The following TENM1 variants were observed in gnomAD, a reference collection of about 807,000 sequenced individuals.
TENM1 encodes teneurin-1.
Under a neutral mutation model 174.8 loss-of-function variants are expected in TENM1, and 35 were observed. The observed-to-expected ratio is 0.20, with a 90% CI of 0.15 to 0.27. TENM1 has a LOEUF of 0.27. Among genes scored for constraint, TENM1 ranks in the 10% least tolerant of loss-of-function variants. TENM1 has a pLI of 1.00. For synonymous variants in TENM1, 781 were observed against 798.7 expected, an observed-to-expected ratio of 0.98 and a Z score of 0.37; for missense variants, 1,633 against 2,130.1, an observed-to-expected ratio of 0.77 and a Z score of 4.59.
rs74505685 is a variant in TENM1 at position 124,691,924 on chromosome X, T to A, written c.1015+13089A>T. Among the ~76,000 whole-genome samples, 240 of 111,750 alleles carry A rather than the reference T, an allele frequency of 2.1e-3. 4 individuals are homozygous for A. The East Asian group carries it at 0.045, about 21-fold the overall frequency. ...TTCTTAGATATTTTAAAATTTTATG[T>A]TTTATTTCCCCTTATACACAAGAAT... On this transcript the variant is annotated intron_variant, in intron 5 of 31. Coordinates refer to ENST00000422452, the Ensembl canonical transcript of TENM1.
In TENM1 at chrX:124,402,801, G is replaced by A. The variant is rs1040552848; in HGVS notation, c.5391+2230C>T. 2.7e-5 allele frequency among the ~76,000 whole-genome samples: 3 copies of A among 111,059 alleles called. No homozygotes were observed. The East Asian group carries it at 8.5e-4, about 31-fold the overall frequency. On this transcript the variant is annotated intron_variant, in intron 27 of 31. Transcript: ENST00000422452. ...CAATTTTTCTGTGATGAGTCCATGA[G>A]GTCGATAAGCCATATGTAGATAATT... is the stretch of plus-strand genomic sequence containing the variant.
chrX:124,380,699 C>A (rs372872379), exon 32 of TENM1: 2 of 1,210,910 alleles, frequency 1.7e-6, no homozygotes, highest in Middle Eastern at 4.6e-4. Flanking sequence ...TGCCCTAATC[C>A]CCTCTTCCCC....
At chrX:124,464,125 T>C (rs2061215223) in intron 22 of TENM1, among the ~76,000 whole-genome samples, 1 of 110,970 alleles carries the variant, frequency 9.0e-6, no homozygotes, top group Admixed American at 9.7e-5. Flanking sequence ...CTCAGATACA[T>C]TTGAAAGAAC....
At chrX:125,103,990 G>GA in the TENM1 span, among the ~76,000 whole-genome samples, 64 of 105,483 alleles carry the variant, frequency 6.1e-4, no homozygotes, top group Admixed American at 5.0e-4. Flanking sequence ...AACTCCATAA[G>GA]AAAAAAAAAA....
chrX:124,861,034 T>C (rs2056902233), intron 3 of TENM1, among the ~76,000 whole-genome samples: 1 of 111,823 alleles, frequency 8.9e-6, no homozygotes, highest in Admixed American at 9.5e-5. Context: ...GGGACAAAAC[T>C]ACACTGAGGC....
chrX:124,546,670 C>T (rs1224206710), intron 15 of TENM1, among the ~76,000 whole-genome samples: 3 of 111,818 alleles, frequency 2.7e-5, no homozygotes, highest in East Asian at 5.6e-4. Flanking sequence ...AACATACACA[C>T]ATAATTTTAT....
the TENM1 span, among the ~76,000 whole-genome samples, chrX:125,085,883 AT>A: frequency 1.8e-5 from 2 of 110,018 alleles, no homozygotes; most frequent in Admixed American, 1.9e-4. Context: ...TTCTTTTGTG[AT>A]TTTTTTTCTA....
chrX:124,848,372 G>T (rs146062840), intron 3 of TENM1, among the ~76,000 whole-genome samples: 4,746 of 110,588 alleles, frequency 0.043, 142 homozygotes, highest in African/African-American at 0.099. Flanking sequence ...ATCCCCATCT[G>T]CAACGACCTC....
intron 11 of TENM1, among the ~76,000 whole-genome samples, chrX:124,602,160 T>G (rs997834893): frequency 1.8e-5 from 2 of 111,203 alleles, no homozygotes; most frequent in Non-Finnish European, 3.8e-5. Flanking sequence ...AATGGGTTAA[T>G]TATATCGATT....
At chrX:124,414,531 T>C (rs997921044) in intron 25 of TENM1, among the ~76,000 whole-genome samples, 8 of 110,798 alleles carry the variant, frequency 7.2e-5, no homozygotes, top group Middle Eastern at 4.7e-3. Context: ...ACTTCCTTGT[T>C]AGCTGTTTCT....
chrX:125,141,664 G>A, the TENM1 span, among the ~76,000 whole-genome samples: 825 of 111,141 alleles, frequency 7.4e-3, 3 homozygotes, highest in Non-Finnish European at 0.013. Context: ...GAGGAAGGAA[G>A]AATATATCAA....
chrX:124,418,220 C>A (rs2147733442), intron 25 of TENM1, among the ~76,000 whole-genome samples: 1 of 112,248 alleles, frequency 8.9e-6, no homozygotes, highest in South Asian at 3.7e-4. Flanking sequence ...TAATTGATTT[C>A]ATGTCCTCAT....
intron 3 of TENM1, among the ~76,000 whole-genome samples, chrX:124,779,445 C>T (rs776279141): frequency 3.3e-4 from 37 of 111,769 alleles, no homozygotes; most frequent in Non-Finnish European, 5.1e-4. Flanking sequence ...AGAAATCTTG[C>T]TTTTCTTTTA....
At chrX:124,384,543 T>C (rs1397116600) in exon 30 of TENM1, 1 of 1,209,443 alleles carries the variant, frequency 8.3e-7, no homozygotes, top group Non-Finnish European at 1.1e-6. Flanking sequence ...TGAATGGTCA[T>C]CCAGTAGGCA....
In TENM1 at chrX:124,543,788, A is replaced by G. The variant is rs5958515; in HGVS notation, c.2651+3086T>C. ...GTTGAGTTTGCCCAAGATCTTCACC[A>G]TGGGCAGGGTGCACGTTCACATTGT... On this transcript the variant is annotated intron_variant, in intron 15 of 31. Coordinates refer to ENST00000422452, the Ensembl canonical transcript of TENM1. 9.1e-3 allele frequency among the ~76,000 whole-genome samples: 1,022 copies of G among 112,408 alleles called. 16 individuals carry two copies. The highest frequency in any genetic ancestry group is 0.032 in the African/African-American group (987 of 30,917).
exon 30 of TENM1, chrX:124,383,681 T>A: frequency 8.3e-7 from 1 of 1,209,902 alleles, no homozygotes; most frequent in Non-Finnish European, 1.1e-6. Context: ...TGGGTAGTTA[T>A]TTTCAAAGGA....
chrX:124,486,371 T>A (rs2046954459), intron 21 of TENM1, among the ~76,000 whole-genome samples: 1 of 112,366 alleles, frequency 8.9e-6, no homozygotes, highest in African/African-American at 3.2e-5. Context: ...TAATTAATAC[T>A]GTGCAACATT....
chrX:125,172,253 G>A, the TENM1 span, among the ~76,000 whole-genome samples: 2 of 110,786 alleles, frequency 1.8e-5, no homozygotes, highest in Non-Finnish European at 3.8e-5. Flanking sequence ...AAGAGAGGTG[G>A]CCTAAGACTT....
chrX:124,647,415 G>A (rs2051187103), intron 8 of TENM1, among the ~76,000 whole-genome samples: 1 of 111,215 alleles, frequency 9.0e-6, no homozygotes. Flanking sequence ...AACTGTAAAT[G>A]CTTATCCGTT....
Sources: allele counts gnomAD v4.1 joint callset (sites outside exome capture counted in the v4.1 genomes callset), GRCh38; gene constraint gnomAD v4.1.1; transcripts MANE v1.5; gene names NCBI Gene and HGNC (gene_info 2026-07-23, HGNC 2026-07-21).